The following GDPD5 variants were observed in gnomAD, a reference collection of about 807,000 sequenced individuals.
GDPD5 encodes glycerophosphodiester phosphodiesterase 2.
A neutral mutation model predicts 75.1 loss-of-function variants in GDPD5; 48 were observed. The observed-to-expected ratio is 0.64, with a 90% CI of 0.51 to 0.81. GDPD5 has a LOEUF of 0.81. Ranked by LOEUF, GDPD5 falls within the 40% of genes least tolerant of loss-of-function variation. GDPD5 has a pLI of 0.00. For synonymous variants in GDPD5, 336 were observed against 339.0 expected, an observed-to-expected ratio of 0.99 and a Z score of 0.10; for missense variants, 706 against 822.6, an observed-to-expected ratio of 0.86 and a Z score of 1.73.
At chr11:75,463,139 C>T (rs905752806) in intron 3 of GDPD5, among the ~76,000 whole-genome samples, 2 of 152,228 alleles carry the variant, frequency 1.3e-5, no homozygotes. Flanking sequence ...GGGCTGTGCT[C>T]TTTTTACTGT....
intron 7 of GDPD5, 39 bp from the exon 8 acceptor site, chr11:75,449,649 A>G: frequency 6.5e-7 from 1 of 1,544,760 alleles, no homozygotes; most frequent in Non-Finnish European, 8.8e-7. Flanking sequence ...AGTAACGCCC[A>G]GCTCTGCCCA....
chr11:75,446,840 C>T (rs1410140750), intron 9 of GDPD5, among the ~76,000 whole-genome samples: 1 of 152,128 alleles, frequency 6.6e-6, no homozygotes, highest in African/African-American at 2.4e-5. Context: ...ACAAATGACT[C>T]CATTTCTCAG....
At chr11:75,475,428 G>A (rs1949758140) in intron 3 of GDPD5, among the ~76,000 whole-genome samples, 1 of 152,202 alleles carries the variant, frequency 6.6e-6, no homozygotes, top group African/African-American at 2.4e-5. Flanking sequence ...TTTGTTCAGC[G>A]AAATTTCTGG....
chr11:75,520,050 C>T (rs116795834), intron 1 of GDPD5, among the ~76,000 whole-genome samples: 2,283 of 152,278 alleles, frequency 0.015, 29 homozygotes, highest in Non-Finnish European at 0.024. Flanking sequence ...GAACCTAGCT[C>T]GGGACCCTTC....
At chr11:75,458,859 T>G (rs1457177175) in intron 4 of GDPD5, among the ~76,000 whole-genome samples, 1 of 152,122 alleles carries the variant, frequency 6.6e-6, no homozygotes, top group Non-Finnish European at 1.5e-5. Context: ...CATGGCTCAC[T>G]GAAGCTTTGA....
chr11:75,472,756 G>T (rs1035039331), intron 3 of GDPD5, among the ~76,000 whole-genome samples: 2 of 152,066 alleles, frequency 1.3e-5, no homozygotes, highest in South Asian at 2.1e-4. Context: ...AATCTTGTCC[G>T]AGGACCTCCT....
At chr11:75,520,827 G>A (rs763137055) in intron 1 of GDPD5, among the ~76,000 whole-genome samples, 1 of 152,346 alleles carries the variant, frequency 6.6e-6, no homozygotes, top group Middle Eastern at 3.4e-3. Flanking sequence ...GCTGTGGCCC[G>A]GCCAGCCTGC....
chr11:75,493,907 A>G (rs955319659), intron 1 of GDPD5, among the ~76,000 whole-genome samples: 1 of 152,186 alleles, frequency 6.6e-6, no homozygotes, highest in African/African-American at 2.4e-5. Context: ...TGGCTGAGGA[A>G]CATCTTACAA....
intron 3 of GDPD5, among the ~76,000 whole-genome samples, chr11:75,466,388 C>T (rs544366713): frequency 6.6e-6 from 1 of 152,074 alleles, no homozygotes; most frequent in Admixed American, 6.5e-5. Flanking sequence ...GAGGAAGTAG[C>T]CAGAGGAAGT....
intron 6 of GDPD5, among the ~76,000 whole-genome samples, chr11:75,454,593 G>C (rs1286146443): frequency 6.6e-6 from 1 of 152,228 alleles, no homozygotes; most frequent in Non-Finnish European, 1.5e-5. Context: ...GGGAATCAGG[G>C]AATATCCAGA....
intron 1 of GDPD5, among the ~76,000 whole-genome samples, chr11:75,522,048 C>T (rs1941479940): frequency 6.6e-6 from 1 of 152,126 alleles, no homozygotes; most frequent in Non-Finnish European, 1.5e-5. Flanking sequence ...TCACCCCTCA[C>T]TAACCCCACC....
intron 9 of GDPD5, chr11:75,448,553 C>G (rs1949046989): frequency 1.0e-6 from 1 of 990,976 alleles, no homozygotes; most frequent in African/African-American, 1.7e-5. Context: ...GACTTTGATC[C>G]CTTCGTCTTT....
rs571032176 is a variant in GDPD5 at position 75,472,262 on chromosome 11, C to T, written c.117+5357G>A. Among the ~76,000 whole-genome samples the T allele has an allele frequency of 7.9e-5, 12 of 152,276 alleles. No individual in the cohort carries two copies. In the South Asian group the frequency reaches 1.9e-3, roughly 24 times the overall value. On this transcript the variant is annotated intron_variant, in intron 3 of 16. Coordinates refer to ENST00000336898, the MANE Select transcript of GDPD5 (RefSeq NM_030792.8). ...AGGCAGGGTCAAGTTCAGGCTGCAG[C>T]TCCCTTGCCAGGAATGCCCAGTGGC... is the stretch of plus-strand genomic sequence containing the variant.
chr11:75,462,198 T>A (rs926707474), intron 4 of GDPD5, among the ~76,000 whole-genome samples: 1 of 152,186 alleles, frequency 6.6e-6, no homozygotes, highest in African/African-American at 2.4e-5. Context: ...CCTGCCCCGG[T>A]TGAGCCCTGG....
chr11:75,508,896 T>G (rs566227854), intron 1 of GDPD5: 1 of 152,370 alleles, frequency 6.6e-6, no homozygotes, highest in African/African-American at 2.4e-5. Flanking sequence ...GCACCTACCC[T>G]GGGCAGGTGG....
At chr11:75,464,862 T>C (rs1048523070) in intron 3 of GDPD5, among the ~76,000 whole-genome samples, 1 of 151,910 alleles carries the variant, frequency 6.6e-6, no homozygotes, top group Non-Finnish European at 1.5e-5. Context: ...AATCGAACCC[T>C]AGGAGCTGCC....
At chr11:75,490,621 C>G (rs1950091309) in intron 1 of GDPD5, 1 of 152,470 alleles carries the variant, frequency 6.6e-6, no homozygotes, top group South Asian at 2.1e-4. Context: ...CTGAACCACT[C>G]CTGCCCCTCC....
chr11:75,447,675 A>T (rs1949020901), intron 9 of GDPD5, among the ~76,000 whole-genome samples: 1 of 152,164 alleles, frequency 6.6e-6, no homozygotes, highest in African/African-American at 2.4e-5. Flanking sequence ...CATACCACTT[A>T]TGTCCCCTGG....
chr11:75,494,007 G>C (rs1485987483), intron 1 of GDPD5, among the ~76,000 whole-genome samples: 2 of 151,688 alleles, frequency 1.3e-5, no homozygotes, highest in African/African-American at 2.4e-5. Context: ...TTGAATACTA[G>C]AACTGTGAAT....
Sources: gnomAD v4.1 joint callset for allele counts (sites outside exome capture counted in the v4.1 genomes callset) on GRCh38, gnomAD v4.1.1 for gene constraint, MANE v1.5 for transcripts, NCBI Gene and HGNC (gene_info 2026-07-23, HGNC 2026-07-21) for gene names.